The following PCDHGA5 variants were observed in gnomAD, a reference collection of about 807,000 sequenced individuals.
PCDHGA5 encodes the protein protocadherin gamma-A5.
In PCDHGA5, 36 loss-of-function variants were observed where a neutral mutation model predicts 56.7. That is an observed-to-expected ratio of 0.64 (90% CI 0.49 to 0.84). PCDHGA5 has a LOEUF of 0.84. Among genes scored for constraint, PCDHGA5 ranks in the 40% least tolerant of loss-of-function variants. The pLI, the probability that PCDHGA5 is intolerant of heterozygous loss-of-function variation, is 0.00. For synonymous variants in PCDHGA5, 563 were observed against 520.2 expected, an observed-to-expected ratio of 1.08 and a Z score of -1.12; for missense variants, 1,305 against 1,201.5, an observed-to-expected ratio of 1.09 and a Z score of -1.27.
chr5:141,374,484 T>C, intron 1 of PCDHGA5: 1 of 1,611,588 alleles, frequency 6.2e-7, no homozygotes. Flanking sequence ...CCCCGATTCT[T>C]AAAGGAAGAA....
Position 141,511,089 on chromosome 5 carries a change from C to T in PCDHGA5, c.2712C>T (p.Thr904=). The change falls in exon 4 of 4, where the codon ACC becomes ACT. Residue 904 remains threonine (T), a synonymous_variant. Transcript: ENST00000518069. ...TCCCAGGCAGCAATGCCACACTGAC[C>T]AACGCAGCTGGCAAGCGGGATGGCA... is the stretch of plus-strand genomic sequence containing the variant. ...VYIPGSNATL[T]NAAGKRDGKA... 1 of 1,614,212 alleles carries T rather than the reference C, an allele frequency of 6.2e-7. No individual in the cohort carries two copies. Among genetic ancestry groups the T allele is most frequent in the Non-Finnish European group, 8.5e-7 (1 of 1,180,026 alleles).
chr5:141,419,285 G>A, intron 1 of PCDHGA5: 2 of 1,614,028 alleles, frequency 1.2e-6, no homozygotes, highest in East Asian at 4.5e-5. Context: ...GCAAGTCAGT[G>A]CCTCTGACCC....
chr5:141,487,391 A>C lies in PCDHGA5; in HGVS notation c.2422-7416A>C. 1 of 1,614,090 alleles carries C rather than the reference A, an allele frequency of 6.2e-7. No homozygotes were observed. The highest frequency in any genetic ancestry group is 1.1e-5 in the South Asian group (1 of 91,078). ...TGCCTGTCTCACCAGATCTCGAAGG[A>C]GGGAGGGGCTTCCCCCTTCCAATGG... On this transcript the variant is annotated intron_variant, in intron 1 of 3. Transcript: ENST00000518069. The surrounding 1 kb of genome is among the most constrained non-coding windows in gnomAD (Gnocchi z 5.0).
intron 1 of PCDHGA5, chr5:141,372,455 G>A: frequency 6.2e-7 from 1 of 1,614,060 alleles, no homozygotes; most frequent in South Asian, 1.1e-5. Flanking sequence ...CTCAGGCGGA[G>A]CTACAGTTTC....
At chr5:141,437,832 G>A (rs929534984) in intron 1 of PCDHGA5, among the ~76,000 whole-genome samples, 2 of 151,794 alleles carry the variant, frequency 1.3e-5, no homozygotes, top group Admixed American at 1.3e-4. Context: ...CTGCCTCCTG[G>A]GTTCATGCTA....
At chr5:141,370,922 G>A (rs563952977) in intron 1 of PCDHGA5, 14 of 1,613,978 alleles carry the variant, frequency 8.7e-6, no homozygotes, top group South Asian at 5.5e-5. Flanking sequence ...GCCCTGATCC[G>A]CACTTCTCTT....
chr5:141,414,000 A>T (rs759228883), intron 1 of PCDHGA5: 2 of 1,613,282 alleles, frequency 1.2e-6, no homozygotes, highest in African/African-American at 2.7e-5. Flanking sequence ...ACAGGGACGA[A>T]GGTGCCAATG....
intron 1 of PCDHGA5, chr5:141,378,932 C>T (rs1274056612): frequency 1.2e-4 from 18 of 152,100 alleles, no homozygotes; most frequent in Admixed American, 1.2e-3. Context: ...AAGTTGATGG[C>T]CCTGGAATGA....
At chr5:141,400,420 T>C (rs1323719998) in intron 1 of PCDHGA5, 1 of 1,613,936 alleles carries the variant, frequency 6.2e-7, no homozygotes, top group Non-Finnish European at 8.5e-7. Context: ...TTTCCTAAAA[T>C]GTAGTGAGCA....
chr5:141,383,391 G>C, intron 1 of PCDHGA5: 2 of 1,613,978 alleles, frequency 1.2e-6, no homozygotes, highest in Non-Finnish European at 1.7e-6. Flanking sequence ...ATGTGGGCAC[G>C]AACTCCCTCC....
rs2099749632 is a variant in PCDHGA5, at chr5:141,493,698, C to T, written c.2422-1109C>T. The stretch of plus-strand genomic sequence containing the variant: ...AGAATGGTGCTGGTGACTCCCGATA[C>T]ACCTGGAATGCTAGGTTTCTGGGTT... On this transcript the variant is annotated intron_variant, in intron 1 of 3. Transcript: ENST00000518069. This position sits in a 1 kb window ranked among gnomAD's most constrained non-coding sequence, Gnocchi z 4.3. Among the ~76,000 whole-genome samples the T allele has an allele frequency of 6.6e-6, 1 of 152,208 alleles. No individual in the cohort carries two copies. Among genetic ancestry groups the T allele is most frequent in the Non-Finnish European group, 1.5e-5 (1 of 68,034 alleles).
At chr5:141,433,261 A>G (rs761584659) in intron 1 of PCDHGA5, 4 of 1,344,710 alleles carry the variant, frequency 3.0e-6, no homozygotes, top group Non-Finnish European at 4.1e-6. Context: ...CGGTACGATC[A>G]TAGCTCACTG....
At chr5:141,461,051 A>G (rs1238514064) in intron 1 of PCDHGA5, among the ~76,000 whole-genome samples, 1 of 151,734 alleles carries the variant, frequency 6.6e-6, no homozygotes, top group East Asian at 1.9e-4. Flanking sequence ...ATGGGGACTT[A>G]GGTTGGTTTC....
At chr5:141,394,376 C>G (rs1407081878) in intron 1 of PCDHGA5, 29 of 1,614,222 alleles carry the variant, frequency 1.8e-5, no homozygotes, top group Non-Finnish European at 2.5e-5. Flanking sequence ...AATCTTTCGA[C>G]TATGAGCAGA....
intron 1 of PCDHGA5, chr5:141,388,729 G>A (rs1407038729): frequency 6.2e-7 from 1 of 1,614,012 alleles, no homozygotes; most frequent in Non-Finnish European, 8.5e-7. Flanking sequence ...TTCTCTTTCA[G>A]TGAAGCTAGC....
intron 1 of PCDHGA5, among the ~76,000 whole-genome samples, chr5:141,446,430 T>A (rs1468987045): frequency 6.6e-6 from 1 of 152,058 alleles, no homozygotes; most frequent in Non-Finnish European, 1.5e-5. Flanking sequence ...ATTTGAAGGA[T>A]CTGAGAAACA....
chr5:141,449,300 T>C (rs2098635283), intron 1 of PCDHGA5, among the ~76,000 whole-genome samples: 1 of 152,090 alleles, frequency 6.6e-6, no homozygotes, highest in Non-Finnish European at 1.5e-5. Flanking sequence ...GGGTGAATTA[T>C]ATGTATTATA....
chr5:141,375,055 G>A, intron 1 of PCDHGA5: 1 of 1,614,042 alleles, frequency 6.2e-7, no homozygotes, highest in South Asian at 1.1e-5. Context: ...CCCGGGATGG[G>A]CCAGGTCTTC....
intron 1 of PCDHGA5, among the ~76,000 whole-genome samples, chr5:141,471,120 C>T (rs560582806): frequency 6.7e-6 from 1 of 149,470 alleles, no homozygotes; most frequent in South Asian, 2.1e-4. Context: ...GCGATCTTAC[C>T]TTCACTGCAA....
Sources: allele counts gnomAD v4.1 joint callset (sites outside exome capture counted in the v4.1 genomes callset), GRCh38; gene constraint gnomAD v4.1.1; non-coding constraint Gnocchi (gnomAD v3.1); transcripts MANE v1.5; gene names NCBI Gene and HGNC (gene_info 2026-07-23, HGNC 2026-07-21).